TSC22D1: variants seen among roughly 807,000 people sequenced by gnomAD.
TSC22D1 encodes TSC22 domain family protein 1.
TSC22D1 carries 9 observed loss-of-function variants against 74.2 expected under a neutral mutation model. The ratio of observed to expected loss-of-function variants is 0.12; its 90% confidence interval spans 0.07 to 0.21. The LOEUF (loss-of-function observed/expected upper bound fraction) is 0.21. Among genes scored for constraint, TSC22D1 ranks in the 10% least tolerant of loss-of-function variants. The pLI, the probability that TSC22D1 is intolerant of heterozygous loss-of-function variation, is 1.00. For missense variants in TSC22D1, 1,427 were observed against 1,304.7 expected (o/e 1.09, Z -1.44); for synonymous variants, 586 against 492.5 (o/e 1.19, Z -2.51).
chr13:44,495,132 C>T (rs374260923), intron 1 of TSC22D1, among the ~76,000 whole-genome samples: 9 of 151,962 alleles, frequency 5.9e-5, no homozygotes, highest in Admixed American at 5.9e-4. Flanking sequence ...ATCAAGCACT[C>T]TCAACACATA....
intron 1 of TSC22D1, among the ~76,000 whole-genome samples, chr13:44,544,915 A>T (rs1881722224): frequency 6.6e-6 from 1 of 152,234 alleles, no homozygotes; most frequent in African/African-American, 2.4e-5. Context: ...CAATATATAT[A>T]TTTTAGAGTA....
chr13:44,549,776 G>GA lies in TSC22D1; in HGVS notation c.2912+23386dup, dbSNP rs1305063154. On this transcript the variant is annotated intron_variant, in intron 1 of 2. Transcript: ENST00000458659. ...GGCCAAACCCTGCCTCAAAAAAAAA[G>GA]AAAAAAAAAAAAAAAAAGAAGAAGG... Among the ~76,000 whole-genome samples the GA allele has an allele frequency of 5.7e-3, 385 of 67,950 alleles. 1 individual carries two copies. The highest frequency in any genetic ancestry group is 0.01 in the South Asian group (20 of 1,992). The allele number at this position is 67,950 out of a possible 152,430, so 44.6% of individuals were successfully genotyped here.
Position 44,575,258 on chromosome 13 carries a change from G to T in TSC22D1, c.817C>A (p.Pro273Thr), listed in dbSNP as rs199671078. 26 of 1,614,116 alleles carry T rather than the reference G, an allele frequency of 1.6e-5. No individual in the cohort carries two copies. Among genetic ancestry groups the T allele is most frequent in the Admixed American group, 1.5e-4 (9 of 60,026 alleles). Residue 273 changes from proline (P) to threonine (T), a missense_variant, in exon 1 of 3, where the codon CCA becomes ACA. Pro to Thr is a conservative substitution (Grantham distance 38). Coordinates refer to ENST00000458659, the MANE Select transcript of TSC22D1 (RefSeq NM_183422.4). The stretch of plus-strand genomic sequence containing the variant: ...GATACAGCAGAAGTTGGTGCAACTG[G>T]TGTGATACTGTCAGAGCTTCCAGTT... ...STTGSSDSIT[P>T]VAPTSAVSSS...
chr13:44,434,836 C>T lies in TSC22D1; in HGVS notation c.3012G>A (p.Glu1004=). 6.2e-7 allele frequency: 1 copy of T among 1,614,018 alleles called. No individual in the cohort carries two copies. Reference sequence around the variant, plus strand: ...GTTCTTTGATTTGCTCTTTGAGGACCTCCACTTCTTCTCTGACCGCATACA... The same window carrying T: ...GTTCTTTGATTTGCTCTTTGAGGACTTCCACTTCTTCTCTGACCGCATACA... ...HLMYAVREEV[E]VLKEQIKELI... is the part of the protein sequence containing the mutation. Residue 1004 remains glutamate, a synonymous_variant, in exon 3 of 3, where the codon GAG becomes GAA. Transcript: ENST00000458659.
At chr13:44,509,137 TCAGA>T (rs567178711) in intron 1 of TSC22D1, among the ~76,000 whole-genome samples, 5 of 152,020 alleles carry the variant, frequency 3.3e-5, no homozygotes, top group Admixed American at 2.0e-4. Flanking sequence ...GCTTCCACAC[TCAGA>T]CAGGCCAATA....
intron 1 of TSC22D1, among the ~76,000 whole-genome samples, chr13:44,511,658 G>T (rs1207923340): frequency 6.1e-5 from 9 of 147,842 alleles, no homozygotes; most frequent in African/African-American, 1.0e-4. Context: ...ACACTTTTTT[G>T]TTGTTGTTAA....
intron 1 of TSC22D1, among the ~76,000 whole-genome samples, chr13:44,564,859 GA>G (rs1303270476): frequency 1.3e-5 from 2 of 151,454 alleles, no homozygotes; most frequent in African/African-American, 4.8e-5. Context: ...AATAAGGATG[GA>G]AAAAAAAGAT....
chr13:44,433,463 T>G lies in TSC22D1; in HGVS notation c.*1163A>C, dbSNP rs1007250590. 3.3e-5 allele frequency: 5 copies of G among 152,342 alleles called. No individual in the cohort carries two copies. The highest frequency in any genetic ancestry group is 7.3e-5 in the Non-Finnish European group (5 of 68,118). 9.4% of individuals were successfully genotyped at this position (152,342 alleles called of 1,614,324 possible). A position where few individuals can be genotyped will look rare whatever the true frequency, so the allele number is the denominator to read the frequency against. ...TACTAGTCAAATTGTTAACTTTACC[T>G]GGAAACAGTTGTGGAAATGACTGCC... On this transcript the variant is annotated 3_prime_UTR_variant, in exon 3 of 3. Transcript: ENST00000458659.
rs781623175 is a variant in TSC22D1 at position 44,573,364 on chromosome 13, T to C, written c.2711A>G (p.Gln904Arg). 1 of 1,613,290 alleles carries C rather than the reference T, an allele frequency of 6.2e-7. No homozygotes were observed. Among genetic ancestry groups the C allele is most frequent in the East Asian group, 2.2e-5 (1 of 44,890 alleles). Residue 904 changes from glutamine to arginine, a missense_variant, in exon 1 of 3, where the codon CAG (glutamine) becomes CGG (arginine). Physicochemically the swap from Gln to Arg is conservative, Grantham distance 43 (BLOSUM62 1). This residue lies in a region of TSC22D1 where 1,343 missense variants were observed against 1,191.5 expected (regional missense o/e 1.13). Transcript: ENST00000458659. ...ATCTTCAATTTGGCTTCCAATTGCC[T>C]GAGCTAATGATTGTGCGGAGAACTG... ...STQFSAQSLA[Q>R]AIGSQIEDAR...
At chr13:44,530,547 C>A (rs1239508303) in intron 1 of TSC22D1, among the ~76,000 whole-genome samples, 3 of 151,676 alleles carry the variant, frequency 2.0e-5, no homozygotes, top group Non-Finnish European at 4.4e-5. Context: ...ATTAAAATTT[C>A]TTTGCAAAAG....
At position 44,551,386 on chromosome 13, in the gene TSC22D1, A is replaced by ATGGGTGGG. The variant is rs745495652; in HGVS notation, c.2912+21776_2912+21777insCCCACCCA. Reference sequence around the variant, plus strand: ...AACAAAAACCCAAAACCCCAATCAGATGGGTGTGTGTGTGTGTGTGTGTGT... The same window carrying ATGGGTGGG: ...AACAAAAACCCAAAACCCCAATCAGATGGGTGGGTGGGTGTGTGTGTGTGTGTGTGTGT... On this transcript the variant is annotated intron_variant, in intron 1 of 2. Transcript: ENST00000458659. Among the ~76,000 whole-genome samples the ATGGGTGGG allele has an allele frequency of 7.4e-5, 7 of 93,980 alleles. 1 individual carries two copies. Among genetic ancestry groups the ATGGGTGGG allele is most frequent in the African/African-American group, 3.1e-4 (7 of 22,774 alleles). The allele number at this position is 93,980 out of a possible 152,430, so 61.7% of individuals were successfully genotyped here.
chr13:44,525,356 G>T (rs1880498918), intron 1 of TSC22D1, among the ~76,000 whole-genome samples: 1 of 152,166 alleles, frequency 6.6e-6, no homozygotes, highest in Admixed American at 6.5e-5. Context: ...GGAAACCGAG[G>T]CAGGAGGATC....
intron 1 of TSC22D1, among the ~76,000 whole-genome samples, chr13:44,459,837 C>T (rs1876900990): frequency 6.6e-6 from 1 of 152,258 alleles, no homozygotes; most frequent in African/African-American, 2.4e-5. Context: ...GCACACCTGG[C>T]TGTGCACAGT....
chr13:44,517,845 ATATATATATATATT>A (rs1490531077), intron 1 of TSC22D1, among the ~76,000 whole-genome samples: 2 of 23,066 alleles, frequency 8.7e-5, no homozygotes, highest in Non-Finnish European at 1.6e-4. Flanking sequence ...ATATATATAT[ATATATATATATATT>A]TTTTTTTTTT....
intron 1 of TSC22D1, among the ~76,000 whole-genome samples, chr13:44,443,286 T>C (rs1875357345): frequency 6.6e-6 from 1 of 150,428 alleles, no homozygotes; most frequent in Admixed American, 6.6e-5. Context: ...CAGAAGACAG[T>C]GCAGCAACAT....
intron 1 of TSC22D1, among the ~76,000 whole-genome samples, chr13:44,486,883 C>CTTAG (rs1878451303): frequency 6.6e-6 from 1 of 151,884 alleles, no homozygotes; most frequent in South Asian, 2.1e-4. Context: ...ACTTAAGACA[C>CTTAG]TTAGAATGAA....
intron 1 of TSC22D1, among the ~76,000 whole-genome samples, chr13:44,471,898 G>A (rs540232833): frequency 6.6e-6 from 1 of 152,158 alleles, no homozygotes; most frequent in Non-Finnish European, 1.5e-5. Context: ...GTTAAATTAT[G>A]TGCTGAAATC....
intron 1 of TSC22D1, among the ~76,000 whole-genome samples, chr13:44,549,776 G>GAAAAA (rs1305063154): frequency 2.9e-5 from 2 of 67,950 alleles, no homozygotes; most frequent in Non-Finnish European, 3.1e-5. Flanking sequence ...CAAAAAAAAA[G>GAAAAA]AAAAAAAAAA....
At chr13:44,498,479 A>G (rs1203794405) in intron 1 of TSC22D1, among the ~76,000 whole-genome samples, 1 of 151,620 alleles carries the variant, frequency 6.6e-6, no homozygotes, top group Non-Finnish European at 1.5e-5. Flanking sequence ...ACCATTTCAC[A>G]GCATACCAAC....
Sources: gnomAD v4.1 joint callset for allele counts (sites outside exome capture counted in the v4.1 genomes callset) on GRCh38, gnomAD v4.1.1 for gene constraint, gnomAD v4.1.1 regional missense constraint, MANE v1.5 for transcripts, NCBI Gene and HGNC (gene_info 2026-07-23, HGNC 2026-07-21) for gene names.